The following TEN1 variants were observed in gnomAD, a reference collection of about 807,000 sequenced individuals.
TEN1 encodes CST complex subunit TEN1.
TEN1 carries 6 observed loss-of-function variants against 9.3 expected under a neutral mutation model. That is an observed-to-expected ratio of 0.65 (90% CI 0.35 to 1.27). The LOEUF (loss-of-function observed/expected upper bound fraction) is 1.27, where lower values mean the gene tolerates loss of function less well. Among genes scored for constraint, TEN1 ranks in the 50% most tolerant of loss-of-function variants. The pLI, the probability that TEN1 is intolerant of heterozygous loss-of-function variation, is 0.03. For missense variants in TEN1, 149 were observed against 158.2 expected (o/e 0.94, Z 0.31); for synonymous variants, 65 against 65.6 (o/e 0.99, Z 0.04).
chr17:76,000,361 T>G lies in TEN1; in HGVS notation c.*99T>G. ...CACAGACGCCTCCCCAGCGACGGCC[T>G]TGTCTGGAGCTCGAAAGCCGAGGGG... is the stretch of plus-strand genomic sequence containing the variant. On this transcript the variant is annotated 3_prime_UTR_variant, in exon 4 of 4. Coordinates refer to ENST00000397640, the MANE Select transcript of TEN1 (RefSeq NM_001113324.3). The surrounding 1 kb of genome is among the most constrained non-coding windows in gnomAD (Gnocchi z 5.9). 7.0e-7 allele frequency: 1 copy of G among 1,434,964 alleles called. No homozygotes were observed. Among genetic ancestry groups the G allele is most frequent in the Non-Finnish European group, 9.2e-7 (1 of 1,085,678 alleles). The allele number at this position is 1,434,964 out of a possible 1,614,324, so 88.9% of individuals were successfully genotyped here.
At chr17:75,988,063 A>G (rs903605673) in intron 2 of TEN1, among the ~76,000 whole-genome samples, 1 of 151,700 alleles carries the variant, frequency 6.6e-6, no homozygotes, top group Non-Finnish European at 1.5e-5. Flanking sequence ...AACATGGTGA[A>G]ACCCCGTCTC....
intron 2 of TEN1, among the ~76,000 whole-genome samples, chr17:75,987,144 T>A (rs2066157193): frequency 6.6e-6 from 1 of 151,902 alleles, no homozygotes; most frequent in African/African-American, 2.4e-5. Context: ...TTAAAATAAT[T>A]ATTGTCTCAT....
chr17:75,988,120 A>T (rs2066163410), intron 2 of TEN1, among the ~76,000 whole-genome samples: 1 of 150,604 alleles, frequency 6.6e-6, no homozygotes, highest in East Asian at 2.0e-4. Context: ...GGCGCCTGTA[A>T]TCCCAGCTAT....
intron 3 of TEN1, among the ~76,000 whole-genome samples, chr17:75,998,614 T>G (rs1311799671): frequency 6.6e-6 from 1 of 152,134 alleles, no homozygotes; most frequent in Non-Finnish European, 1.5e-5. Flanking sequence ...TGACCTAGAC[T>G]AGAGGAAAGG....
chr17:75,988,561 CAAAAAAAAAAAAA>C (rs1189354019), intron 2 of TEN1, among the ~76,000 whole-genome samples: 1 of 28,988 alleles, frequency 3.4e-5, no homozygotes, highest in Non-Finnish European at 6.0e-5. Flanking sequence ...GATCCTGCCT[CAAAAAAAAAAAAA>C]AAAAAAAAAA....
chr17:75,980,185 A>G (rs1363831344), intron 1 of TEN1, among the ~76,000 whole-genome samples: 4 of 151,954 alleles, frequency 2.6e-5, no homozygotes, highest in East Asian at 2.0e-4. Context: ...AAAAATACCA[A>G]AAAATTAGCT....
At chr17:75,985,819 C>T (rs963244029) in intron 1 of TEN1, among the ~76,000 whole-genome samples, 3 of 151,616 alleles carry the variant, frequency 2.0e-5, no homozygotes, top group Non-Finnish European at 4.4e-5. Flanking sequence ...CCACTGCACC[C>T]GGCCATGTTT....
At chr17:75,986,151 G>A in intron 1 of TEN1, 36 bp from the exon 2 acceptor site, 1 of 1,480,866 alleles carries the variant, frequency 6.8e-7, no homozygotes, top group Non-Finnish European at 9.1e-7. Flanking sequence ...GGTTTATCAG[G>A]AATCTTCAAA....
rs201043191 is a variant in TEN1, at chr17:76,000,152, G to T, written c.262G>T (p.Val88Leu). ...ELQHQQDRGSVVKARVLTCVE... is the reference protein window; with the variant it reads ...ELQHQQDRGSLVKARVLTCVE... ...TGTTTGTCTTGCAGACAGAGGCTCC[G>T]TGGTGAAGGCGCGCGTGCTGACCTG... The change falls in exon 4 of 4, where the codon GTG (valine) becomes TTG (leucine). Residue 88 changes from valine (V) to leucine (L), a missense_variant. By Grantham distance (32) the Val-to-Leu change is conservative. Coordinates refer to ENST00000397640, the MANE Select transcript of TEN1 (RefSeq NM_001113324.3). This position sits in a 1 kb window ranked among gnomAD's most constrained non-coding sequence, Gnocchi z 5.9. 9.8e-5 allele frequency: 152 copies of T among 1,551,240 alleles called. 2 individuals are homozygous for T. In the Middle Eastern group the frequency reaches 2.2e-3, roughly 22 times the overall value.
In TEN1 at chr17:75,998,095, G is replaced by T. The variant is rs144434891; in HGVS notation, c.251-2046G>T. Among the ~76,000 whole-genome samples the T allele has an allele frequency of 3.6e-4, 55 of 151,476 alleles. No homozygotes were observed. In the East Asian group the frequency reaches 0.01, roughly 29 times the overall value. On this transcript the variant is annotated intron_variant, in intron 3 of 3. Coordinates refer to ENST00000397640, the MANE Select transcript of TEN1 (RefSeq NM_001113324.3). ...TTCAGCTCCTGACCTCAGGTGATCC[G>T]CCTGCGTCAGCCTCCCAGAGTGCTG...
chr17:75,985,127 C>T (rs2066144114), intron 1 of TEN1: 1 of 152,138 alleles, frequency 6.6e-6, no homozygotes, highest in Non-Finnish European at 1.5e-5. Context: ...CTGGGCCACA[C>T]ATAGCTTTTT....
chr17:75,979,415 G>T lies in TEN1; in HGVS notation c.-103G>T. 1 of 453,312 alleles carries T rather than the reference G, an allele frequency of 2.2e-6. No individual in the cohort carries two copies. 28.1% of individuals were successfully genotyped at this position (453,312 alleles called of 1,614,324 possible). A position where few individuals can be genotyped will look rare whatever the true frequency, so the allele number is the denominator to read the frequency against. On this transcript the variant is annotated 5_prime_UTR_variant, in exon 1 of 4. Transcript: ENST00000397640. ...CTGCCCTGCTGGGCGTCCGGGGAGT[G>T]GGAAAATAAAGCACTTTTTGTATCC...
In TEN1 at chr17:75,986,913, A is replaced by AATATACGT. The variant is rs540086448; in HGVS notation, c.92+636_92+643dup. ...TATGTGGGTGGGTATGGAGACACCCAATATACGTATATACATATATACTCT... is the reference window on the plus strand; with the variant it reads ...TATGTGGGTGGGTATGGAGACACCCAATATACGTATATACGTATATACATATATACTCT... On this transcript the variant is annotated intron_variant, in intron 2 of 3. Transcript: ENST00000397640. 2.4e-4 allele frequency among the ~76,000 whole-genome samples: 36 copies of AATATACGT among 152,234 alleles called. No homozygotes were observed. In the South Asian group the frequency reaches 7.3e-3, roughly 31 times the overall value.
At chr17:75,987,213 G>A (rs920733677) in intron 2 of TEN1, among the ~76,000 whole-genome samples, 3 of 152,198 alleles carry the variant, frequency 2.0e-5, no homozygotes, top group Non-Finnish European at 4.4e-5. Context: ...GCTCAGGGTC[G>A]CTCATGGGAG....
intron 3 of TEN1, among the ~76,000 whole-genome samples, chr17:75,993,910 C>T (rs1003717726): frequency 2.6e-5 from 4 of 152,120 alleles, no homozygotes; most frequent in African/African-American, 7.2e-5. Context: ...GCAGGAGAAT[C>T]GCTTGAACCC....
intron 3 of TEN1, among the ~76,000 whole-genome samples, chr17:75,996,746 G>T (rs1323068086): frequency 6.7e-6 from 1 of 149,536 alleles, no homozygotes; most frequent in East Asian, 1.9e-4. Context: ...GAAAGAAAAA[G>T]AAAGAAAAGA....
At chr17:75,995,927 T>C (rs749810597) in intron 3 of TEN1, among the ~76,000 whole-genome samples, 24 of 152,160 alleles carry the variant, frequency 1.6e-4, no homozygotes, top group Admixed American at 4.6e-4. Flanking sequence ...ACGCCATCTC[T>C]ACAAAAATGA....
intron 1 of TEN1, among the ~76,000 whole-genome samples, chr17:75,981,258 C>T (rs1051079462): frequency 1.3e-5 from 2 of 151,854 alleles, no homozygotes; most frequent in African/African-American, 4.8e-5. Flanking sequence ...ATGATTTCAG[C>T]TCACTGCAAC....
chr17:75,985,308 G>T (rs1469331397), intron 1 of TEN1, among the ~76,000 whole-genome samples: 1 of 151,898 alleles, frequency 6.6e-6, no homozygotes, highest in African/African-American at 2.4e-5. Context: ...ACCACACCTG[G>T]CCCATTTTTG....
Sources: allele counts gnomAD v4.1 joint callset (sites outside exome capture counted in the v4.1 genomes callset), GRCh38; gene constraint gnomAD v4.1.1; non-coding constraint Gnocchi (gnomAD v3.1); transcripts MANE v1.5; gene names NCBI Gene and HGNC (gene_info 2026-07-23, HGNC 2026-07-21).